SLC9C2: variants seen among roughly 807,000 people sequenced by gnomAD.
SLC9C2 encodes solute carrier family 9 member C2 (putative).
In SLC9C2, 75 loss-of-function variants were observed where a neutral mutation model predicts 140.2. The ratio of observed to expected loss-of-function variants is 0.53; its 90% confidence interval spans 0.44 to 0.65. SLC9C2 has a LOEUF of 0.65. Ranked by LOEUF, SLC9C2 falls within the 30% of genes least tolerant of loss-of-function variation. SLC9C2 has a pLI of 0.00. For missense variants in SLC9C2, 1,074 were observed against 1,331.8 expected (o/e 0.81, Z 3.01); for synonymous variants, 375 against 420.9 (o/e 0.89, Z 1.34).
chr1:173,533,137 C>A (rs1048569569), intron 17 of SLC9C2, among the ~76,000 whole-genome samples: 2 of 152,160 alleles, frequency 1.3e-5, no homozygotes, highest in African/African-American at 2.4e-5. Flanking sequence ...GGGAACCATG[C>A]AGATACCTAT....
chr1:173,515,483 G>A (rs147455636), intron 23 of SLC9C2, among the ~76,000 whole-genome samples: 62 of 152,172 alleles, frequency 4.1e-4, no homozygotes, highest in African/African-American at 1.2e-3. Context: ...TTCATGAAGC[G>A]TTCATGCTGT....
chr1:173,593,991 G>A (rs1666314492), intron 4 of SLC9C2, among the ~76,000 whole-genome samples: 1 of 152,088 alleles, frequency 6.6e-6, no homozygotes, highest in South Asian at 2.1e-4. Flanking sequence ...GGTAACTACT[G>A]TACAGAACAC....
intron 2 of SLC9C2, among the ~76,000 whole-genome samples, chr1:173,601,047 C>A (rs142930410): frequency 5.1e-4 from 78 of 152,270 alleles, no homozygotes; most frequent in Non-Finnish European, 4.0e-4. Flanking sequence ...CTGTTGAATT[C>A]TTAATCATTG....
At position 173,530,048 on chromosome 1, in the gene SLC9C2, C is replaced by T. The variant is rs781466032; in HGVS notation, c.2170G>A (p.Val724Ile). The change falls in exon 18 of 28, where the codon GTA becomes ATA. Residue 724 changes from valine to isoleucine, a missense_variant. Val to Ile is a conservative substitution (Grantham distance 29). Transcript: ENST00000367714. Reference sequence around the variant, plus strand: ...TCTGCAATTCTTATCAGTATTGGTACTATTATCTGGAATAATGAGAAGAAG... The same window carrying T: ...TCTGCAATTCTTATCAGTATTGGTATTATTATCTGGAATAATGAGAAGAAG... ...IRFLPLFKII[V>I]PILIRIADVQ... is the part of the protein sequence containing the mutation. 1 of 1,590,760 alleles carries T rather than the reference C, an allele frequency of 6.3e-7. No individual in the cohort carries two copies. The highest frequency in any genetic ancestry group is 8.5e-7 in the Non-Finnish European group (1 of 1,173,978).
At chr1:173,591,825 C>T (rs1434709643) in intron 4 of SLC9C2, among the ~76,000 whole-genome samples, 2 of 152,076 alleles carry the variant, frequency 1.3e-5, no homozygotes, top group Non-Finnish European at 2.9e-5. Context: ...AGGCTGTTTC[C>T]TCTGTTGATA....
At chr1:173,585,365 A>T (rs1487225507) in intron 5 of SLC9C2, among the ~76,000 whole-genome samples, 2 of 152,206 alleles carry the variant, frequency 1.3e-5, no homozygotes, top group Admixed American at 6.5e-5. Context: ...GGCATTTGGC[A>T]AAAAATAGTT....
chr1:173,522,334 C>T (rs1406070636), intron 21 of SLC9C2, among the ~76,000 whole-genome samples: 2 of 152,048 alleles, frequency 1.3e-5, no homozygotes, highest in East Asian at 1.9e-4. Context: ...GCAGATAGCT[C>T]GGATAACATG....
rs182600907 is a variant in SLC9C2, at chr1:173,559,249, A to C, written c.1047-1741T>G. On this transcript the variant is annotated intron_variant, in intron 9 of 27. Transcript: ENST00000367714. ...GATAGTCAATTCAAAGTTCCCTATA[A>C]AGAGCAGTTTCTCCTGTTTTCCAAG... Among the ~76,000 whole-genome samples, 4 of 152,326 alleles carry C rather than the reference A, an allele frequency of 2.6e-5. No homozygotes were observed. In the East Asian group the frequency reaches 7.7e-4, roughly 29 times the overall value.
At chr1:173,533,215 A>T (rs558970080) in intron 17 of SLC9C2, among the ~76,000 whole-genome samples, 1 of 152,256 alleles carries the variant, frequency 6.6e-6, no homozygotes, top group East Asian at 1.9e-4. Context: ...TTTCTTACTC[A>T]CTTAACACAC....
intron 22 of SLC9C2, among the ~76,000 whole-genome samples, chr1:173,520,046 G>T (rs866291778): frequency 6.6e-6 from 1 of 152,112 alleles, no homozygotes; most frequent in Non-Finnish European, 1.5e-5. Context: ...TACTTGGGAG[G>T]TTGAGGCAGG....
intron 9 of SLC9C2, among the ~76,000 whole-genome samples, chr1:173,567,647 A>G (rs1176294362): frequency 6.6e-6 from 1 of 152,016 alleles, no homozygotes; most frequent in Non-Finnish European, 1.5e-5. Context: ...AGTTTAGTCC[A>G]TTTACATTCA....
intron 13 of SLC9C2, among the ~76,000 whole-genome samples, chr1:173,547,314 G>A (rs1300260238): frequency 1.3e-5 from 2 of 151,452 alleles, no homozygotes; most frequent in Non-Finnish European, 2.9e-5. Flanking sequence ...ATCTCTAACA[G>A]TTAAATTAGC....
chr1:173,525,268 T>C (rs561038684), intron 19 of SLC9C2, among the ~76,000 whole-genome samples: 228 of 152,292 alleles, frequency 1.5e-3, no homozygotes, highest in Middle Eastern at 6.8e-3. Flanking sequence ...TTTTGTTGGT[T>C]AGACGAATAA....
intron 13 of SLC9C2, among the ~76,000 whole-genome samples, chr1:173,545,265 G>A (rs1026943718): frequency 2.6e-5 from 4 of 152,166 alleles, no homozygotes; most frequent in Admixed American, 1.3e-4. Context: ...CAATTTTTAC[G>A]GTAATTGTGC....
intron 5 of SLC9C2, among the ~76,000 whole-genome samples, chr1:173,585,259 A>G (rs1227800964): frequency 6.6e-6 from 1 of 152,156 alleles, no homozygotes; most frequent in East Asian, 1.9e-4. Flanking sequence ...TCCACTTTAG[A>G]TTTAGGTTGT....
rs58355008 is a variant in SLC9C2 at position 173,521,885 on chromosome 1, C to CAAAAAAAAA, written c.2641-495_2641-487dup. The stretch of plus-strand genomic sequence containing the variant: ...AAGAAGACAGGGACAGGGCGCTATG[C>CAAAAAAAAA]AAAAAAAAAAAAAAAAAAAAAAATG... On this transcript the variant is annotated intron_variant, in intron 21 of 27. Coordinates refer to ENST00000367714, the MANE Select transcript of SLC9C2 (RefSeq NM_178527.4). 2.3e-4 allele frequency among the ~76,000 whole-genome samples: 18 copies of CAAAAAAAAA among 76,934 alleles called. 1 individual carries two copies. Among genetic ancestry groups the CAAAAAAAAA allele is most frequent in the East Asian group, 1.7e-3 (5 of 2,868 alleles). The allele number at this position is 76,934 out of a possible 152,430, so 50.5% of individuals were successfully genotyped here.
intron 26 of SLC9C2, among the ~76,000 whole-genome samples, chr1:173,504,432 A>T (rs1659488317): frequency 6.6e-6 from 1 of 152,204 alleles, no homozygotes; most frequent in Non-Finnish European, 1.5e-5. Context: ...TATAAGACTG[A>T]GAAAACGTCA....
At chr1:173,583,700 A>C in intron 5 of SLC9C2, 78 bp from the exon 6 acceptor site, 1 of 758,518 alleles carries the variant, frequency 1.3e-6, no homozygotes, top group East Asian at 2.7e-5. Context: ...GAAACAGAAG[A>C]GAAAGAACAG....
chr1:173,523,350 C>T (rs867594516), intron 21 of SLC9C2, among the ~76,000 whole-genome samples: 16 of 151,948 alleles, frequency 1.1e-4, no homozygotes, highest in Middle Eastern at 3.4e-3. Flanking sequence ...CCAGCCTGGG[C>T]GGCAGAGTGA....
Sources: gnomAD v4.1 joint callset for allele counts (sites outside exome capture counted in the v4.1 genomes callset) on GRCh38, gnomAD v4.1.1 for gene constraint, MANE v1.5 for transcripts, NCBI Gene and HGNC (gene_info 2026-07-23, HGNC 2026-07-21) for gene names.